CHRM3: variants seen among roughly 807,000 people sequenced by gnomAD.
CHRM3 encodes the protein muscarinic acetylcholine receptor M3.
A neutral mutation model predicts 41.8 loss-of-function variants in CHRM3; 11 were observed. The ratio of observed to expected loss-of-function variants is 0.26; its 90% CI spans 0.17 to 0.44. The LOEUF is 0.44. CHRM3 is among the 20% of genes least tolerant of loss of function. The probability of loss-of-function intolerance (pLI) is 1.00; values close to 1 mark genes in which losing one functional copy is unlikely to be tolerated. For missense variants in CHRM3, 571 were observed against 745.4 expected, an observed-to-expected ratio of 0.77 and a Z score of 2.72; for synonymous variants, 297 against 301.4, an observed-to-expected ratio of 0.99 and a Z score of 0.15.
At chr1:239,484,706 A>G (rs1017876653) in intron 1 of CHRM3, among the ~76,000 whole-genome samples, 6 of 152,218 alleles carry the variant, frequency 3.9e-5, no homozygotes, top group East Asian at 1.9e-4. Context: ...CCTAAAAATT[A>G]TTTTTGAAAA....
intron 3 of CHRM3, among the ~76,000 whole-genome samples, chr1:239,565,471 C>T (rs986034022): frequency 6.6e-6 from 1 of 152,090 alleles, no homozygotes; most frequent in African/African-American, 2.4e-5. Context: ...ACCCCAGATG[C>T]TGCATCTGGT....
chr1:239,765,911 G>A (rs933912287), intron 5 of CHRM3, among the ~76,000 whole-genome samples: 1 of 151,350 alleles, frequency 6.6e-6, no homozygotes, highest in Non-Finnish European at 1.5e-5. Flanking sequence ...CCACCTTCTG[G>A]GTTCAAGCAA....
intron 2 of CHRM3, among the ~76,000 whole-genome samples, chr1:239,503,482 G>T (rs1281425798): frequency 6.6e-6 from 1 of 151,938 alleles, no homozygotes; most frequent in Non-Finnish European, 1.5e-5. Flanking sequence ...CAACCATACT[G>T]CCAAAAGCAG....
intron 2 of CHRM3, among the ~76,000 whole-genome samples, chr1:239,501,700 CA>C (rs965274182): frequency 6.6e-6 from 1 of 151,604 alleles, no homozygotes; most frequent in Non-Finnish European, 1.5e-5. Flanking sequence ...CTAAAAAATA[CA>C]AAAAAAATTA....
At chr1:239,478,053 T>C (rs1452797200) in intron 1 of CHRM3, among the ~76,000 whole-genome samples, 6 of 152,146 alleles carry the variant, frequency 3.9e-5, no homozygotes, top group African/African-American at 1.2e-4. Flanking sequence ...TAAGAGCTCA[T>C]AGCAAGTTTA....
intron 5 of CHRM3, among the ~76,000 whole-genome samples, chr1:239,716,659 G>A (rs1047163303): frequency 6.6e-6 from 1 of 151,772 alleles, no homozygotes; most frequent in African/African-American, 2.4e-5. Context: ...TTGGTAATAA[G>A]GAAAGCTAAC....
intron 1 of CHRM3, among the ~76,000 whole-genome samples, chr1:239,442,175 C>T (rs1040260006): frequency 7.3e-5 from 11 of 151,046 alleles, no homozygotes; most frequent in Non-Finnish European, 1.0e-4. Context: ...TTTTAATTCT[C>T]GGCTCACTGC....
chr1:239,707,630 A>G (rs1354553510), intron 5 of CHRM3: 1 of 152,200 alleles, frequency 6.6e-6, no homozygotes, highest in African/African-American at 2.4e-5. Context: ...CAAGAAAGCA[A>G]TGGTTTTGAA....
chr1:239,844,985 A>G (rs1021738342), intron 6 of CHRM3, among the ~76,000 whole-genome samples: 4 of 152,310 alleles, frequency 2.6e-5, no homozygotes, highest in East Asian at 3.9e-4. Flanking sequence ...TTTTTTTTCC[A>G]ACTGCCAGAT....
chr1:239,874,293 A>ATATATATATATATATCTATATACACAG (rs1553291876), intron 6 of CHRM3, among the ~76,000 whole-genome samples: 41 of 67,046 alleles, frequency 6.1e-4, no homozygotes, highest in Non-Finnish European at 9.2e-4. Context: ...CAGTATATAT[A>ATATATATATATATATCTATATACACAG]TATATATATA....
intron 4 of CHRM3, among the ~76,000 whole-genome samples, chr1:239,640,065 C>A (rs1382412597): frequency 6.6e-6 from 1 of 151,692 alleles, no homozygotes; most frequent in African/African-American, 2.4e-5. Flanking sequence ...GCTGGATTAC[C>A]TTGATTGATT....
chr1:239,523,145 T>C (rs1669766917), intron 2 of CHRM3, among the ~76,000 whole-genome samples: 1 of 152,132 alleles, frequency 6.6e-6, no homozygotes, highest in African/African-American at 2.4e-5. Flanking sequence ...GATTTTTGTA[T>C]CTACATATGT....
intron 1 of CHRM3, among the ~76,000 whole-genome samples, chr1:239,478,212 A>T (rs577659185): frequency 2.8e-4 from 43 of 152,324 alleles, no homozygotes; most frequent in Non-Finnish European, 5.9e-4. Flanking sequence ...TGAATCAGGG[A>T]TGTAAAAAGC....
intron 4 of CHRM3, among the ~76,000 whole-genome samples, chr1:239,674,716 A>AG: frequency 6.6e-6 from 1 of 151,364 alleles, no homozygotes; most frequent in East Asian, 1.9e-4. Context: ...TCTCAAAAAA[A>AG]AAAAAAAAAA....
intron 1 of CHRM3, among the ~76,000 whole-genome samples, chr1:239,484,171 G>A (rs1344007686): frequency 6.6e-6 from 1 of 152,180 alleles, no homozygotes; most frequent in African/African-American, 2.4e-5. Context: ...TCACGGTTCT[G>A]CAGGCTGTAC....
chr1:239,431,987 A>ATTCCACACACTCTTTGTTCCTCC (rs1177657755), intron 1 of CHRM3, among the ~76,000 whole-genome samples: 3 of 151,876 alleles, frequency 2.0e-5, no homozygotes, highest in East Asian at 3.9e-4. Flanking sequence ...GGTGTTCCTC[A>ATTCCACACACTCTTTGTTCCTCC]TTCCACACAC....
chr1:239,753,951 T>A (rs1666041865), intron 5 of CHRM3, among the ~76,000 whole-genome samples: 1 of 152,220 alleles, frequency 6.6e-6, no homozygotes, highest in African/African-American at 2.4e-5. Context: ...CTCATTTCCG[T>A]TTGATTGTAG....
At position 239,881,409 on chromosome 1, in the gene CHRM3, A is replaced by G. The variant is rs1324648389; in HGVS notation, c.-19-26024A>G. On this transcript the variant is annotated intron_variant, in intron 6 of 6. Transcript: ENST00000676153. ...GGTGAGGGGAAAAGAAAGGGAAAGG[A>G]AAAAAAAATGAAATAAATTGGGAAA... is the stretch of plus-strand genomic sequence containing the variant. Among the ~76,000 whole-genome samples the G allele has an allele frequency of 2.0e-5, 3 of 150,586 alleles. 1 individual carries two copies. The highest frequency in any genetic ancestry group is 3.0e-5 in the Non-Finnish European group (2 of 67,534).
chr1:239,706,617 TACAC>T lies in CHRM3; in HGVS notation c.-147+28355_-147+28358del, dbSNP rs35644191. On this transcript the variant is annotated intron_variant, in intron 5 of 6. Coordinates refer to ENST00000676153, the MANE Select transcript of CHRM3 (RefSeq NM_001375978.1). ...ATGCACCCCCACACATGTGTCCATG[TACAC>T]ACACACACACACACACACACACACA... 1,251 of 145,040 alleles carry T rather than the reference TACAC, an allele frequency of 8.6e-3. 6 individuals carry two copies. The highest frequency in any genetic ancestry group is 0.021 in the Middle Eastern group (6 of 288). The allele number at this position is 145,040 out of a possible 1,614,324, so 9.0% of individuals were successfully genotyped here.
Sources: allele counts gnomAD v4.1 joint callset (sites outside exome capture counted in the v4.1 genomes callset), GRCh38; gene constraint gnomAD v4.1.1; transcripts MANE v1.5; gene names NCBI Gene and HGNC (gene_info 2026-07-23, HGNC 2026-07-21).